The following BLTP1 variants were observed in gnomAD, a reference collection of about 807,000 sequenced individuals.
BLTP1 encodes bridge-like lipid transfer protein family member 1.
the BLTP1 span, chr4:122,202,608 A>AAT: frequency 2.7e-6 from 2 of 752,272 alleles, no homozygotes; most frequent in Non-Finnish European, 3.2e-6. Flanking sequence ...AATCTTTTAA[A>AAT]ATAGATACCT....
At chr4:122,356,614 A>C in the BLTP1 span, 16 of 1,610,026 alleles carry the variant, frequency 9.9e-6, no homozygotes, top group Admixed American at 1.7e-5. Flanking sequence ...TTACCATATT[A>C]TTGCAGATGC....
At chr4:122,306,624 A>C in the BLTP1 span, 1 of 951,546 alleles carries the variant, frequency 1.1e-6, no homozygotes, top group Admixed American at 6.2e-5. Flanking sequence ...CCCAGGGCCT[A>C]GAACAGTCCC....
At chr4:122,316,071 A>G in the BLTP1 span, among the ~76,000 whole-genome samples, 2 of 152,174 alleles carry the variant, frequency 1.3e-5, no homozygotes, top group South Asian at 2.1e-4. Flanking sequence ...GTTTTATGGT[A>G]CGTGAGTTAT....
chr4:122,351,239 T>C, the BLTP1 span: 2 of 895,602 alleles, frequency 2.2e-6, no homozygotes, highest in Non-Finnish European at 2.7e-6. Context: ...GTAATACGTA[T>C]ACATTGAAAA....
At chr4:122,205,642 TC>T in the BLTP1 span, among the ~76,000 whole-genome samples, 12 of 1,002 alleles carry the variant, frequency 0.012, 1 homozygote, top group Non-Finnish European at 0.086. Flanking sequence ...TCCCCCCCCT[TC>T]TCTCTCTCTC....
the BLTP1 span, chr4:122,189,514 T>C: frequency 1.2e-6 from 1 of 838,394 alleles, no homozygotes; most frequent in South Asian, 5.5e-5. Flanking sequence ...ATTTAATGTT[T>C]TTGAATGATT....
chr4:122,347,484 C>T, the BLTP1 span: 3 of 1,583,656 alleles, frequency 1.9e-6, no homozygotes, highest in Non-Finnish European at 2.6e-6. Flanking sequence ...TACCCTGTTA[C>T]TTTGGATTTT....
At chr4:122,254,269 G>C in the BLTP1 span, 1 of 1,613,314 alleles carries the variant, frequency 6.2e-7, no homozygotes, top group Non-Finnish European at 8.5e-7. Flanking sequence ...CATGTAGCAT[G>C]AAGTTGACCA....
chr4:122,308,241 G>A, the BLTP1 span: 4 of 1,472,392 alleles, frequency 2.7e-6, no homozygotes, highest in East Asian at 2.3e-5. Flanking sequence ...GAATATAACA[G>A]TACATTTTTC....
chr4:122,336,827 AT>A, the BLTP1 span: 2 of 1,529,154 alleles, frequency 1.3e-6, no homozygotes, highest in Non-Finnish European at 1.8e-6. Flanking sequence ...GGATCTTTTA[AT>A]AAATAGTTTG....
the BLTP1 span, chr4:122,225,782 A>G: frequency 1.3e-5 from 2 of 152,270 alleles, no homozygotes; most frequent in Non-Finnish European, 1.5e-5. Flanking sequence ...CTGGTCTTGT[A>G]ACTGTCCTCT....
chr4:122,226,955 G>C, the BLTP1 span: 1 of 706,598 alleles, frequency 1.4e-6, no homozygotes, highest in Non-Finnish European at 2.0e-6. Context: ...AGTTTTTTCA[G>C]TTAATAAAAT....
chr4:122,274,404 T>C, the BLTP1 span: 3 of 1,606,634 alleles, frequency 1.9e-6, no homozygotes, highest in Non-Finnish European at 2.5e-6. Context: ...GGGTTAATAT[T>C]GTGCTGCTTG....
chr4:122,235,283 A>G, the BLTP1 span: 1 of 922,438 alleles, frequency 1.1e-6, no homozygotes. Context: ...AATTTTTTCT[A>G]AATATTTCCT....
the BLTP1 span, chr4:122,175,896 C>A: frequency 1.3e-6 from 2 of 1,522,334 alleles, no homozygotes; most frequent in Non-Finnish European, 1.8e-6. Flanking sequence ...AATGTATAAC[C>A]CAAAACAGAA....
the BLTP1 span, among the ~76,000 whole-genome samples, chr4:122,245,812 T>C: frequency 1.3e-5 from 2 of 152,082 alleles, no homozygotes; most frequent in Non-Finnish European, 2.9e-5. Context: ...TTTGAAAATA[T>C]TCCTAGCCAA....
At chr4:122,250,269 T>C in the BLTP1 span, 5 of 1,298,688 alleles carry the variant, frequency 3.9e-6, no homozygotes, top group East Asian at 1.3e-4. Flanking sequence ...GAGAAAAAAA[T>C]AGTCTTTATG....
chr4:122,209,891 C>T, the BLTP1 span: 2 of 1,613,356 alleles, frequency 1.2e-6, no homozygotes, highest in Non-Finnish European at 1.7e-6. Flanking sequence ...TCCAATTTAT[C>T]CACAAAAAGC....
chr4:122,243,515 C>A, the BLTP1 span: 2 of 788,362 alleles, frequency 2.5e-6, no homozygotes, highest in Non-Finnish European at 3.1e-6. Context: ...CCATGGCTGG[C>A]AGATCACTTG....
Sources: gnomAD v4.1 joint callset for allele counts (sites outside exome capture counted in the v4.1 genomes callset) on GRCh38, gnomAD v4.1.1 for gene constraint, MANE v1.5 for transcripts, NCBI Gene and HGNC (gene_info 2026-07-23, HGNC 2026-07-21) for gene names.